Variants in FKBP5 observed in about 807,000 individuals in gnomAD.
The protein encoded by FKBP5 is FKBP prolyl isomerase 5.
In FKBP5, 23 loss-of-function variants were observed where a neutral mutation model predicts 50.5. The ratio of observed to expected loss-of-function variants is 0.46; its 90% CI spans 0.33 to 0.65. The LOEUF (loss-of-function observed/expected upper bound fraction) is 0.65, where lower values mean the gene tolerates loss of function less well. Ranked by LOEUF, FKBP5 falls within the 30% of genes least tolerant of loss-of-function variation. The pLI, the probability that FKBP5 is intolerant of heterozygous loss-of-function variation, is 0.02. For synonymous variants in FKBP5, 176 were observed against 190.6 expected (o/e 0.92, Z 0.63); for missense variants, 411 against 553.1 (o/e 0.74, Z 2.58).
At chr6:35,602,593 G>C (rs1006833324) in intron 5 of FKBP5, among the ~76,000 whole-genome samples, 1 of 151,872 alleles carries the variant, frequency 6.6e-6, no homozygotes, top group African/African-American at 2.4e-5. Context: ...ATCCAAGAGA[G>C]TAGGATCTTA....
chr6:35,624,797 G>A (rs1763946872), intron 3 of FKBP5, among the ~76,000 whole-genome samples: 1 of 152,138 alleles, frequency 6.6e-6, no homozygotes, highest in East Asian at 1.9e-4. Flanking sequence ...CTCTTACTGA[G>A]ATACTCCACA....
intron 5 of FKBP5, among the ~76,000 whole-genome samples, chr6:35,605,289 T>A (rs1205838190): frequency 7.1e-6 from 1 of 141,640 alleles, no homozygotes; most frequent in Non-Finnish European, 1.5e-5. Context: ...AAGCATTCAA[T>A]AAAATCCAAC....
chr6:35,705,014 G>T (rs1188650660), intron 2 of FKBP5, among the ~76,000 whole-genome samples: 1 of 150,656 alleles, frequency 6.6e-6, no homozygotes, highest in Admixed American at 6.7e-5. Context: ...GGTGGCAGGT[G>T]CCTATAGTCC....
intron 3 of FKBP5, among the ~76,000 whole-genome samples, chr6:35,633,195 C>T (rs1330457631): frequency 1.3e-5 from 2 of 152,032 alleles, no homozygotes; most frequent in East Asian, 3.9e-4. Flanking sequence ...TACTACTGTC[C>T]ATTTATATTA....
chr6:35,575,762 C>T lies in FKBP5; in HGVS notation c.*73G>A. The T allele has an allele frequency of 1.0e-6, 1 of 989,064 alleles. No individual in the cohort carries two copies. The allele number at this position is 989,064 out of a possible 1,614,324, so 61.3% of individuals were successfully genotyped here. Reference sequence around the variant, plus strand: ...AACAAACTTTACATTAAACACTGTTCTGTCCTGAGTTGGGGGAAAGCCCAT... The same window carrying T: ...AACAAACTTTACATTAAACACTGTTTTGTCCTGAGTTGGGGGAAAGCCCAT... On this transcript the variant is annotated 3_prime_UTR_variant, in exon 11 of 11. Transcript: ENST00000357266.
intron 3 of FKBP5, among the ~76,000 whole-genome samples, chr6:35,621,850 T>C (rs1763855149): frequency 6.6e-6 from 1 of 151,560 alleles, no homozygotes; most frequent in East Asian, 2.0e-4. Flanking sequence ...GAGCCAGGCG[T>C]GGTGGTGCTT....
At chr6:35,634,319 TCAACAA>T (rs574042031) in intron 3 of FKBP5, among the ~76,000 whole-genome samples, 2 of 151,968 alleles carry the variant, frequency 1.3e-5, no homozygotes, top group East Asian at 3.9e-4. Context: ...TATGCCTAAA[TCAACAA>T]CAACAACAAC....
chr6:35,622,810 T>C (rs1262484283), intron 3 of FKBP5, among the ~76,000 whole-genome samples: 2 of 152,230 alleles, frequency 1.3e-5, no homozygotes, highest in South Asian at 2.1e-4. Flanking sequence ...AACTTCAGAA[T>C]ACCTGGATTT....
chr6:35,706,938 G>A (rs973426627), intron 2 of FKBP5, among the ~76,000 whole-genome samples: 3 of 152,084 alleles, frequency 2.0e-5, no homozygotes. Flanking sequence ...TATATTAGGT[G>A]AAAAAGCAAA....
chr6:35,653,102 T>C (rs1484017733), intron 1 of FKBP5, among the ~76,000 whole-genome samples: 1 of 152,188 alleles, frequency 6.6e-6, no homozygotes, highest in Non-Finnish European at 1.5e-5. Flanking sequence ...GGCTCAAGCC[T>C]GCAATCCCCA....
At chr6:35,640,716 C>T (rs941982981) in intron 2 of FKBP5, among the ~76,000 whole-genome samples, 6 of 151,952 alleles carry the variant, frequency 3.9e-5, no homozygotes, top group Non-Finnish European at 5.9e-5. Flanking sequence ...TCTTTATATC[C>T]TTATTCTATA....
intron 1 of FKBP5, among the ~76,000 whole-genome samples, chr6:35,680,624 A>G (rs913584973): frequency 6.6e-5 from 10 of 152,220 alleles, no homozygotes; most frequent in Non-Finnish European, 1.0e-4. Flanking sequence ...GAAACATTAA[A>G]TCTAGTAGAC....
At chr6:35,600,835 T>C (rs1237550366) in intron 5 of FKBP5, among the ~76,000 whole-genome samples, 2 of 152,220 alleles carry the variant, frequency 1.3e-5, no homozygotes, top group African/African-American at 4.8e-5. Context: ...CCTAGGCTGT[T>C]TTTCAGCTTG....
chr6:35,637,118 A>G lies in FKBP5; in HGVS notation c.146T>C (p.Ile49Thr). 2 of 1,610,570 alleles carry G rather than the reference A, an allele frequency of 1.2e-6. No individual in the cohort carries two copies. The highest frequency in any genetic ancestry group is 1.7e-6 in the Non-Finnish European group (2 of 1,179,302). Residue 49 changes from isoleucine to threonine, a missense_variant, in exon 3 of 11, where the codon ATT becomes ACT. Coordinates refer to ENST00000357266, the MANE Select transcript of FKBP5 (RefSeq NM_004117.4). Reference protein sequence around the residue: ...RVGNGEETPMIGDKVYVHYKG... With the variant: ...RVGNGEETPMTGDKVYVHYKG... ...GTAATGGACATAAACTTTGTCTCCA[A>G]TCATCGGCGTTTCCTCACCATTCCC...
At chr6:35,613,260 G>C (rs1763546155) in intron 5 of FKBP5, among the ~76,000 whole-genome samples, 1 of 151,964 alleles carries the variant, frequency 6.6e-6, no homozygotes, top group Non-Finnish European at 1.5e-5. Flanking sequence ...TGTCACCCAG[G>C]CTGGAGTGTA....
At chr6:35,612,015 T>C (rs1296758162) in intron 5 of FKBP5, among the ~76,000 whole-genome samples, 1 of 152,212 alleles carries the variant, frequency 6.6e-6, no homozygotes, top group Non-Finnish European at 1.5e-5. Context: ...AAGACTGTTA[T>C]TAGAGACAAT....
At chr6:35,670,882 A>G (rs1765368228) in intron 1 of FKBP5, among the ~76,000 whole-genome samples, 1 of 152,216 alleles carries the variant, frequency 6.6e-6, no homozygotes, top group African/African-American at 2.4e-5. Flanking sequence ...TATTTAAAAA[A>G]TATAAATGCA....
intron 1 of FKBP5, among the ~76,000 whole-genome samples, chr6:35,722,092 A>AC (rs56362135): frequency 4.6e-5 from 7 of 151,288 alleles, no homozygotes; most frequent in African/African-American, 1.5e-4. Context: ...TACTCAGCAG[A>AC]CCCCCCATCA....
chr6:35,672,198 A>G (rs1247906584), intron 1 of FKBP5, among the ~76,000 whole-genome samples: 2 of 152,152 alleles, frequency 1.3e-5, no homozygotes, highest in African/African-American at 4.8e-5. Flanking sequence ...CATAATTAGA[A>G]GATAAAATTT....
Sources: allele counts gnomAD v4.1 joint callset (sites outside exome capture counted in the v4.1 genomes callset), GRCh38; gene constraint gnomAD v4.1.1; transcripts MANE v1.5; gene names NCBI Gene and HGNC (gene_info 2026-07-23, HGNC 2026-07-21).